Variants in PDZRN3 observed in about 807,000 individuals in gnomAD.
PDZRN3 encodes the protein E3 ubiquitin-protein ligase PDZRN3.
A neutral mutation model predicts 85.7 loss-of-function variants in PDZRN3; 38 were observed. The observed-to-expected ratio is 0.44, with a 90% CI of 0.34 to 0.58. The LOEUF (loss-of-function observed/expected upper bound fraction) is 0.58, where lower values mean the gene tolerates loss of function less well. Among genes scored for constraint, PDZRN3 ranks in the 20% least tolerant of loss-of-function variants. PDZRN3 has a pLI of 0.01. For synonymous variants in PDZRN3, 759 were observed against 638.0 expected (o/e 1.19, Z -2.86); for missense variants, 1,629 against 1,506.4 (o/e 1.08, Z -1.35).
intron 3 of PDZRN3, among the ~76,000 whole-genome samples, chr3:73,440,659 C>G (rs1416247582): frequency 6.6e-6 from 1 of 152,190 alleles, no homozygotes; most frequent in Non-Finnish European, 1.5e-5. Flanking sequence ...ATCTTTGTAA[C>G]CCCTGAAATG....
At chr3:73,385,899 G>C in intron 8 of PDZRN3, 114 bp from the exon 9 acceptor site, 1 of 676,016 alleles carries the variant, frequency 1.5e-6, no homozygotes, top group Non-Finnish European at 2.6e-6. Context: ...TCCTCCAAGA[G>C]TCATCAAAAT....
At chr3:73,395,768 G>C (rs569706812) in intron 5 of PDZRN3, among the ~76,000 whole-genome samples, 1 of 152,312 alleles carries the variant, frequency 6.6e-6, no homozygotes, top group South Asian at 2.1e-4. Context: ...CCTTATGTTT[G>C]AGATAGGGTA....
At chr3:73,602,512 A>T (rs372043247) in intron 2 of PDZRN3, 51 bp from the exon 3 acceptor site, 1 of 938,234 alleles carries the variant, frequency 1.1e-6, no homozygotes, top group Non-Finnish European at 1.7e-6. Context: ...TAAGTTGAGC[A>T]TGAAAGTAAA....
At chr3:73,434,786 T>C (rs1702499683) in intron 3 of PDZRN3, among the ~76,000 whole-genome samples, 1 of 152,222 alleles carries the variant, frequency 6.6e-6, no homozygotes, top group African/African-American at 2.4e-5. Context: ...AGCAGAGAGC[T>C]GCCAGATTCT....
At chr3:73,440,125 C>T (rs1310155765) in intron 3 of PDZRN3, among the ~76,000 whole-genome samples, 1 of 152,096 alleles carries the variant, frequency 6.6e-6, no homozygotes, top group Non-Finnish European at 1.5e-5. Context: ...CTTTGGGCTG[C>T]AGAGATCTTG....
In PDZRN3 at chr3:73,583,772, G is replaced by A. The variant is rs572857433; in HGVS notation, c.918+18582C>T. On this transcript the variant is annotated intron_variant, in intron 3 of 9. Coordinates refer to ENST00000263666, the MANE Select transcript of PDZRN3 (RefSeq NM_015009.3). ...TTATGATAGCAAATAGCTCACAAACGTATGATGGAAGGACTGATCCCACCT... is the reference window on the plus strand; with the variant it reads ...TTATGATAGCAAATAGCTCACAAACATATGATGGAAGGACTGATCCCACCT... Among the ~76,000 whole-genome samples, 103 of 152,190 alleles carry A rather than the reference G, an allele frequency of 6.8e-4. No homozygotes were observed. In the South Asian group the frequency reaches 0.016, roughly 23 times the overall value.
chr3:73,477,013 T>C (rs1255809058), intron 3 of PDZRN3, among the ~76,000 whole-genome samples: 2 of 152,192 alleles, frequency 1.3e-5, no homozygotes. Context: ...CTACAGTAAC[T>C]ACCATTGATA....
At chr3:73,591,000 C>T (rs1214278486) in intron 3 of PDZRN3, among the ~76,000 whole-genome samples, 1 of 152,138 alleles carries the variant, frequency 6.6e-6, no homozygotes, top group Non-Finnish European at 1.5e-5. Context: ...TATATGCATT[C>T]CTGAATGATC....
chr3:73,518,706 G>A (rs894896674), intron 3 of PDZRN3, among the ~76,000 whole-genome samples: 6 of 152,018 alleles, frequency 3.9e-5, no homozygotes, highest in African/African-American at 1.2e-4. Flanking sequence ...GTCTAGTGAG[G>A]GCCTGCTTCC....
intron 3 of PDZRN3, among the ~76,000 whole-genome samples, chr3:73,417,588 A>G (rs929671465): frequency 6.6e-6 from 1 of 152,214 alleles, no homozygotes; most frequent in Non-Finnish European, 1.5e-5. Context: ...AATTTAGGCT[A>G]GAGGAGAAAA....
chr3:73,590,268 C>A (rs78475013), intron 3 of PDZRN3, among the ~76,000 whole-genome samples: 555 of 97,202 alleles, frequency 5.7e-3, no homozygotes, highest in African/African-American at 7.8e-3. Flanking sequence ...GACTCTGTCT[C>A]AAAAAAAAAA....
chr3:73,497,810 C>T lies in PDZRN3; in HGVS notation c.919-93415G>A, dbSNP rs181545819. Among the ~76,000 whole-genome samples, 25 of 151,910 alleles carry T rather than the reference C, an allele frequency of 1.6e-4. No individual in the cohort carries two copies. In the East Asian group the frequency reaches 4.2e-3, roughly 26 times the overall value. On this transcript the variant is annotated intron_variant, in intron 3 of 9. Coordinates refer to ENST00000263666, the MANE Select transcript of PDZRN3 (RefSeq NM_015009.3). ...GGGCCGGCACAGCGCCCCCCGTCCC[C>T]GCCCCCGCCAACAGCTCAGCGCAGT...
intron 3 of PDZRN3, among the ~76,000 whole-genome samples, chr3:73,416,134 AAGAAG>A (rs1165332620): frequency 6.6e-6 from 1 of 151,934 alleles, no homozygotes; most frequent in Non-Finnish European, 1.5e-5. Context: ...CTGCTGTGTG[AAGAAG>A]AGATTAGAAA....
intron 2 of PDZRN3, 109 bp from the exon 3 acceptor site, chr3:73,602,570 C>G: frequency 1.5e-6 from 1 of 659,170 alleles, no homozygotes; most frequent in Non-Finnish European, 2.7e-6. Context: ...TCAAGAGTGG[C>G]AATAGGGTAA....
chr3:73,483,650 T>C (rs924722179), intron 3 of PDZRN3, among the ~76,000 whole-genome samples: 1 of 152,160 alleles, frequency 6.6e-6, no homozygotes. Context: ...TAATATGAAA[T>C]CTAGAAATGA....
chr3:73,537,382 G>A (rs1704812530), intron 3 of PDZRN3, among the ~76,000 whole-genome samples: 1 of 152,188 alleles, frequency 6.6e-6, no homozygotes, highest in South Asian at 2.1e-4. Context: ...AAGTGTTACG[G>A]TTGTTTGTTA....
At position 73,506,275 on chromosome 3, in the gene PDZRN3, C is replaced by T. The variant is rs561502277; in HGVS notation, c.918+96079G>A. On this transcript the variant is annotated intron_variant, in intron 3 of 9. Transcript: ENST00000263666. The stretch of plus-strand genomic sequence containing the variant: ...CTGAAGTCGGGCCTGGGCAGGATAA[C>T]AGTTTTCTGATCATATAATTAATGA... Among the ~76,000 whole-genome samples, 31 of 152,126 alleles carry T rather than the reference C, an allele frequency of 2.0e-4. 1 individual carries two copies. Among genetic ancestry groups the T allele is most frequent in the Non-Finnish European group, 3.4e-4 (23 of 68,030 alleles).
intron 3 of PDZRN3, among the ~76,000 whole-genome samples, chr3:73,458,864 C>G (rs1156370983): frequency 6.6e-6 from 1 of 151,722 alleles, no homozygotes; most frequent in Non-Finnish European, 1.5e-5. Context: ...TAGTGGCACA[C>G]GCCTGTAGCC....
At chr3:73,404,577 T>A (rs1701817286) in intron 3 of PDZRN3, 182 bp from the exon 4 acceptor site, 1 of 601,070 alleles carries the variant, frequency 1.7e-6, no homozygotes, top group East Asian at 2.8e-5. Flanking sequence ...AGAGAGTGAG[T>A]TTGGAGGTAT....
Sources: allele counts gnomAD v4.1 joint callset (sites outside exome capture counted in the v4.1 genomes callset), GRCh38; gene constraint gnomAD v4.1.1; transcripts MANE v1.5; gene names NCBI Gene and HGNC (gene_info 2026-07-23, HGNC 2026-07-21).